CFLAR: variants seen among roughly 807,000 people sequenced by gnomAD.
CFLAR encodes CASP8 and FADD like apoptosis regulator, also known as CASP8 and FADD-like apoptosis regulator.
CFLAR carries 14 observed loss-of-function variants against 51.1 expected under a neutral mutation model. That is an observed-to-expected ratio of 0.27 (90% CI 0.18 to 0.43). The LOEUF (loss-of-function observed/expected upper bound fraction) is 0.43. CFLAR is among the 20% of genes least tolerant of loss of function. The pLI is 1.00. For synonymous variants in CFLAR, 210 were observed against 211.6 expected (o/e 0.99, Z 0.06); for missense variants, 390 against 566.5 (o/e 0.69, Z 3.16).
chr2:201,163,220 T>C (rs1943232112), intron 9 of CFLAR: 1 of 1,268,288 alleles, frequency 7.9e-7, no homozygotes. Flanking sequence ...AAGGCTTTGT[T>C]ATATAAACAT....
At chr2:201,141,518 T>C in intron 5 of CFLAR, 1 of 1,435,704 alleles carries the variant, frequency 7.0e-7, no homozygotes, top group Non-Finnish European at 9.2e-7. Context: ...TTTAGCCCTT[T>C]CTTGTTGCTG....
In CFLAR at chr2:201,164,471, A is replaced by C. The variant is rs1325652127; in HGVS notation, c.*498A>C. ...GAAGCCAATTCAAGTCCCAAAGCTG[A>C]AGAACTTGGAGTCCAATGTTTGAGG... On this transcript the variant is annotated 3_prime_UTR_variant, in exon 10 of 10. Transcript: ENST00000309955. 2 of 152,308 alleles carry C rather than the reference A, an allele frequency of 1.3e-5. No individual in the cohort carries two copies. Among genetic ancestry groups the C allele is most frequent in the African/African-American group, 4.8e-5 (2 of 41,442 alleles). The allele number at this position is 152,308 out of a possible 1,614,324, so 9.4% of individuals were successfully genotyped here. A position where few individuals can be genotyped will look rare whatever the true frequency, so the allele number is the denominator to read the frequency against.
intron 2 of CFLAR, among the ~76,000 whole-genome samples, 199 bp downstream of exon 2, chr2:201,130,345 C>CTTTT (rs1365723679): frequency 7.7e-6 from 1 of 129,780 alleles, no homozygotes; most frequent in Non-Finnish European, 1.6e-5. Flanking sequence ...CTTTCTTTTT[C>CTTTT]TTTCTTTCTT....
At chr2:201,159,546 G>A (rs929389864) in intron 8 of CFLAR, among the ~76,000 whole-genome samples, 3 of 152,076 alleles carry the variant, frequency 2.0e-5, no homozygotes, top group Admixed American at 2.0e-4. Flanking sequence ...CTGACCTCAG[G>A]TAATCTGCCC....
chr2:201,155,658 C>G (rs1443647447), intron 8 of CFLAR, among the ~76,000 whole-genome samples: 1 of 151,968 alleles, frequency 6.6e-6, no homozygotes, highest in Non-Finnish European at 1.5e-5. Flanking sequence ...GGGTCTTGCT[C>G]TATCACCCAG....
intron 5 of CFLAR, among the ~76,000 whole-genome samples, chr2:201,145,052 C>T (rs1159435336): frequency 6.6e-6 from 1 of 152,068 alleles, no homozygotes; most frequent in Non-Finnish European, 1.5e-5. Context: ...GGGGTTTTAC[C>T]ATGTTGGCCA....
At position 201,133,099 on chromosome 2, in the gene CFLAR, G is replaced by T; in HGVS notation, c.352G>T (p.Asp118Tyr). ...DVSSLIFLMK[D>Y]YMGRGKISKE... is the part of the protein sequence containing the mutation. ...GTCCTCATTAATTTTCCTCATGAAG[G>T]ATTACATGGGCCGAGGCAAGATAAG... Residue 118 changes from aspartate (D) to tyrosine (Y), a missense_variant, in exon 3 of 10, where the codon GAT becomes TAT. Around this residue, in one of 2 missense-constraint regions of CFLAR, gnomAD observed 103 missense variants for 202.9 expected, o/e 0.51. Coordinates refer to ENST00000309955, the MANE Select transcript of CFLAR (RefSeq NM_003879.7). The T allele has an allele frequency of 6.2e-7, 1 of 1,613,314 alleles. No homozygotes were observed. The highest frequency in any genetic ancestry group is 8.5e-7 in the Non-Finnish European group (1 of 1,179,290).
chr2:201,126,191 GGA>G (rs1273504328), intron 1 of CFLAR, among the ~76,000 whole-genome samples: 1 of 152,096 alleles, frequency 6.6e-6, no homozygotes, highest in African/African-American at 2.4e-5. Context: ...TTTAGAAAGG[GGA>G]GGGGGGGGTC....
intron 5 of CFLAR, among the ~76,000 whole-genome samples, chr2:201,141,091 G>A (rs558349521): frequency 6.6e-6 from 1 of 152,232 alleles, no homozygotes; most frequent in African/African-American, 2.4e-5. Flanking sequence ...AATTAGCCAG[G>A]TATGGTGGCA....
chr2:201,155,126 G>T (rs1941938323), intron 8 of CFLAR, among the ~76,000 whole-genome samples: 1 of 152,222 alleles, frequency 6.6e-6, no homozygotes, highest in Admixed American at 6.5e-5. Context: ...TTAAGCACTG[G>T]ACTTTTATCT....
intron 4 of CFLAR, chr2:201,139,940 A>G: frequency 5.5e-6 from 1 of 182,116 alleles, no homozygotes; most frequent in Non-Finnish European, 1.2e-5. Flanking sequence ...AAAAACCCAC[A>G]GGTGTGGAGG....
In CFLAR at chr2:201,160,720, TG is replaced by T. The variant is rs1334831768; in HGVS notation, c.1084del (p.Val362CysfsTer19). 1 of 1,613,822 alleles carries T rather than the reference TG, an allele frequency of 6.2e-7. No homozygotes were observed. Among genetic ancestry groups the T allele is most frequent in the Admixed American group, 1.7e-5 (1 of 59,982 alleles). On this transcript the variant is annotated frameshift_variant, in exon 9 of 10. Coordinates refer to ENST00000309955, the MANE Select transcript of CFLAR (RefSeq NM_003879.7). LOFTEE classifies it high-confidence loss of function. ...AAGATGTTTTTTATTCAGAACTATGTGGTGTCAGAGGGCCAGCTGGAGGACA... is the reference window on the plus strand; with the variant it reads ...AAGATGTTTTTTATTCAGAACTATGTGTGTCAGAGGGCCAGCTGGAGGACA... ...KPKMFFIQNY[V>X]VSEGQLEDSS...
At chr2:201,134,686 A>T (rs954768878) in intron 3 of CFLAR, among the ~76,000 whole-genome samples, 5 of 122,530 alleles carry the variant, frequency 4.1e-5, no homozygotes, top group Admixed American at 1.5e-4. Context: ...TAAAATAAAA[A>T]AATATAAAAT....
At chr2:201,127,555 T>C (rs564348673) in intron 1 of CFLAR, among the ~76,000 whole-genome samples, 1 of 152,320 alleles carries the variant, frequency 6.6e-6, no homozygotes, top group Admixed American at 6.5e-5. Context: ...ATTTCTTGGC[T>C]TGGGCTTAAA....
intron 2 of CFLAR, 120 bp from the exon 3 acceptor site, chr2:201,132,909 T>A (rs924533118): frequency 8.7e-5 from 84 of 965,068 alleles, no homozygotes; most frequent in Non-Finnish European, 8.0e-5. Context: ...GGGAGGGACA[T>A]ATTTACACAG....
chr2:201,133,274 A>G (rs1039033681), intron 3 of CFLAR, 140 bp downstream of exon 3: 19 of 606,910 alleles, frequency 3.1e-5, no homozygotes, highest in Admixed American at 5.5e-5. Context: ...TTTAAACAAC[A>G]TGAATGGGAA....
intron 1 of CFLAR, among the ~76,000 whole-genome samples, chr2:201,128,993 C>T (rs1022147845): frequency 3.9e-5 from 6 of 152,206 alleles, no homozygotes; most frequent in African/African-American, 1.4e-4. Context: ...ATCAGAAGCA[C>T]TAATGGCAAT....
chr2:201,129,630 A>T (rs1179274815), intron 1 of CFLAR, 99 bp from the exon 2 acceptor site: 1 of 523,698 alleles, frequency 1.9e-6, no homozygotes, highest in Non-Finnish European at 3.4e-6. Flanking sequence ...TAATCTACTT[A>T]AGTCAGGGAG....
Position 201,118,654 on chromosome 2 carries a change from C to T in CFLAR, c.-138+2173C>T, listed in dbSNP as rs937811079. On this transcript the variant is annotated intron_variant, in intron 1 of 9. Coordinates refer to ENST00000309955, the MANE Select transcript of CFLAR (RefSeq NM_003879.7). This position sits in a 1 kb window ranked among gnomAD's most constrained non-coding sequence, Gnocchi z 5.1. ...GCAGACAGGATTCTAGAATTTATGT[C>T]TTGTGTGGTAACATTTCAGCCGGTG... The T allele has an allele frequency of 3.9e-5, 6 of 152,214 alleles. No homozygotes were observed. Among genetic ancestry groups the T allele is most frequent in the African/African-American group, 1.4e-4 (6 of 41,442 alleles). The allele number at this position is 152,214 out of a possible 1,614,324, so 9.4% of individuals were successfully genotyped here.
Sources: allele counts gnomAD v4.1 joint callset (sites outside exome capture counted in the v4.1 genomes callset), GRCh38; gene constraint gnomAD v4.1.1; regional missense constraint gnomAD v4.1.1; non-coding constraint Gnocchi (gnomAD v3.1); transcripts MANE v1.5; gene names NCBI Gene and HGNC (gene_info 2026-07-23, HGNC 2026-07-21).